Variants in DMD observed in about 807,000 individuals in gnomAD.
DMD encodes dystrophin, also known as mutant dystrophin.
In DMD, 63 loss-of-function variants were observed where a neutral mutation model predicts 330.1. That is an observed-to-expected ratio of 0.19 (90% CI 0.16 to 0.24). DMD has a LOEUF of 0.24. DMD is among the 10% of genes least tolerant of loss of function. The probability of loss-of-function intolerance (pLI) is 1.00; values close to 1 mark genes in which losing one functional copy is unlikely to be tolerated. For synonymous variants in DMD, 1,223 were observed against 959.8 expected (o/e 1.27, Z -5.07); for missense variants, 3,344 against 2,684.1 (o/e 1.25, Z -5.43).
chrX:31,673,681 C>T (rs1033332184), intron 53 of DMD, among the ~76,000 whole-genome samples: 5 of 112,025 alleles, frequency 4.5e-5, no homozygotes, highest in African/African-American at 9.7e-5. Flanking sequence ...CAGATTTACA[C>T]AGTTACCACA....
chrX:31,542,196 G>T (rs965044469), intron 55 of DMD, among the ~76,000 whole-genome samples: 1 of 112,004 alleles, frequency 8.9e-6, no homozygotes, highest in Admixed American at 9.5e-5. Flanking sequence ...TGGGGACATA[G>T]ATGAGTAGCA....
At chrX:31,261,348 C>T (rs1347955243) in intron 62 of DMD, 1 of 245,854 alleles carries the variant, frequency 4.1e-6, no homozygotes, top group Non-Finnish European at 7.4e-6. Context: ...CTTCTTCACC[C>T]ATCCAATGTG....
At chrX:33,157,852 G>C (rs753596741) in intron 1 of DMD, among the ~76,000 whole-genome samples, 5 of 111,951 alleles carry the variant, frequency 4.5e-5, no homozygotes, top group Admixed American at 2.8e-4. Flanking sequence ...AGCTACCCTG[G>C]AGGCTGAGGC....
At position 33,076,701 on chromosome X, in the gene DMD, C is replaced by A. The variant is rs766697768; in HGVS notation, c.32-56501G>T. Reference sequence around the variant, plus strand: ...TTGGTTATGTATATTATAAATTAGGCCATAGGGCAAAGCAAGAAAATGAAA... The same window carrying A: ...TTGGTTATGTATATTATAAATTAGGACATAGGGCAAAGCAAGAAAATGAAA... On this transcript the variant is annotated intron_variant, in intron 1 of 78. Coordinates refer to ENST00000357033, the MANE Select transcript of DMD (RefSeq NM_004006.3). Among the ~76,000 whole-genome samples the A allele has an allele frequency of 8.1e-5, 9 of 111,751 alleles. No individual in the cohort carries two copies. In the South Asian group the frequency reaches 1.5e-3, roughly 19 times the overall value.
At chrX:32,897,816 T>A (rs1242053375) in intron 2 of DMD, among the ~76,000 whole-genome samples, 2 of 111,980 alleles carry the variant, frequency 1.8e-5, no homozygotes, top group Non-Finnish European at 3.8e-5. Flanking sequence ...ACCATTTTTT[T>A]AATTAGTCTT....
chrX:33,299,764 C>T (rs1358889781), intron 1 of DMD, among the ~76,000 whole-genome samples: 1 of 111,685 alleles, frequency 9.0e-6, no homozygotes, highest in African/African-American at 3.3e-5. Flanking sequence ...AACTTTTCCT[C>T]CATGCCATTT....
intron 60 of DMD, among the ~76,000 whole-genome samples, chrX:31,413,877 A>G (rs1189831390): frequency 9.0e-6 from 1 of 111,584 alleles, no homozygotes; most frequent in East Asian, 2.8e-4. Context: ...AAAAAAAAAA[A>G]AAGCCTACAA....
At chrX:32,993,709 T>C (rs2093039867) in intron 2 of DMD, among the ~76,000 whole-genome samples, 2 of 111,260 alleles carry the variant, frequency 1.8e-5, no homozygotes, top group African/African-American at 6.5e-5. Context: ...TATTTCTGCA[T>C]GTGTCTGTGT....
chrX:31,208,975 CAAAAG>C (rs1473427382), intron 65 of DMD, among the ~76,000 whole-genome samples: 3 of 111,990 alleles, frequency 2.7e-5, no homozygotes, highest in Non-Finnish European at 5.6e-5. Flanking sequence ...TATTAAAAAA[CAAAAG>C]AAAACGAAAA....
chrX:31,743,335 C>A (rs968814135), intron 51 of DMD, among the ~76,000 whole-genome samples: 1 of 112,399 alleles, frequency 8.9e-6, no homozygotes, highest in Non-Finnish European at 1.9e-5. Flanking sequence ...CCTAGTGATC[C>A]CATTACTGGG....
intron 44 of DMD, among the ~76,000 whole-genome samples, chrX:32,157,610 C>A (rs1459575191): frequency 8.9e-6 from 1 of 112,278 alleles, no homozygotes; most frequent in African/African-American, 3.2e-5. Flanking sequence ...TTGGCAGATG[C>A]AAATGTATGC....
chrX:32,987,478 T>A (rs769162268), intron 2 of DMD, among the ~76,000 whole-genome samples: 11 of 111,753 alleles, frequency 9.8e-5, no homozygotes, highest in African/African-American at 2.3e-4. Flanking sequence ...CAGAGGCAGA[T>A]TCAGCAAACT....
intron 55 of DMD, among the ~76,000 whole-genome samples, chrX:31,620,888 T>C (rs1351701408): frequency 8.9e-6 from 1 of 111,878 alleles, no homozygotes; most frequent in Non-Finnish European, 1.9e-5. Context: ...TATTTCTGAG[T>C]GGACCATGGA....
chrX:32,558,214 G>A (rs745399410), intron 16 of DMD, among the ~76,000 whole-genome samples: 1 of 111,095 alleles, frequency 9.0e-6, no homozygotes, highest in South Asian at 3.7e-4. Context: ...TTGTCTTCTG[G>A]ATTCATATTA....
chrX:31,922,221 G>A (rs1010850189), intron 47 of DMD, among the ~76,000 whole-genome samples: 20 of 111,569 alleles, frequency 1.8e-4, no homozygotes, highest in Non-Finnish European at 2.3e-4. Flanking sequence ...CTTCCGGGTA[G>A]CTGAACAGGT....
At chrX:32,810,274 C>T (rs1304817345) in intron 6 of DMD, among the ~76,000 whole-genome samples, 1 of 111,992 alleles carries the variant, frequency 8.9e-6, no homozygotes, top group East Asian at 2.8e-4. Context: ...TCTATCTCAT[C>T]CAGTCTCGTG....
chrX:32,914,109 G>A (rs1200088064), intron 2 of DMD, among the ~76,000 whole-genome samples: 3 of 111,437 alleles, frequency 2.7e-5, no homozygotes, highest in East Asian at 2.8e-4. Flanking sequence ...CAATCCAAAC[G>A]AGATTCTTTC....
chrX:32,944,259 C>A (rs1337430375), intron 2 of DMD, among the ~76,000 whole-genome samples: 4 of 112,321 alleles, frequency 3.6e-5, no homozygotes, highest in Non-Finnish European at 5.6e-5. Flanking sequence ...TTTTAATGTA[C>A]AGATTTTAAA....
chrX:32,006,609 G>A (rs2095663144), intron 44 of DMD, among the ~76,000 whole-genome samples: 1 of 111,135 alleles, frequency 9.0e-6, no homozygotes, highest in Non-Finnish European at 1.9e-5. Flanking sequence ...AATTTTCAAG[G>A]GGGATGTGGT....
Sources: gnomAD v4.1 joint callset for allele counts (sites outside exome capture counted in the v4.1 genomes callset) on GRCh38, gnomAD v4.1.1 for gene constraint, MANE v1.5 for transcripts, NCBI Gene and HGNC (gene_info 2026-07-23, HGNC 2026-07-21) for gene names.